Variants in DCDC2 observed in about 807,000 individuals in gnomAD.
The protein encoded by DCDC2 is doublecortin domain-containing protein 2.
DCDC2 carries 40 observed loss-of-function variants against 50.2 expected under a neutral mutation model. The observed-to-expected ratio is 0.80, with a 90% CI of 0.62 to 1.04. DCDC2 has a LOEUF of 1.04. DCDC2 is among the 50% of genes least tolerant of loss of function. The pLI is 0.00. For missense variants in DCDC2, 570 were observed against 581.9 expected (o/e 0.98, Z 0.21); for synonymous variants, 234 against 210.6 (o/e 1.11, Z -0.96).
intron 7 of DCDC2, among the ~76,000 whole-genome samples, chr6:24,219,112 TTTG>T (rs1421189610): frequency 4.6e-5 from 7 of 152,190 alleles, no homozygotes; most frequent in Non-Finnish European, 8.8e-5. Context: ...TAACTTTTAT[TTTG>T]TTGTTATATT....
At chr6:24,361,232 C>A (rs999019530), upstream of DCDC2, among the ~76,000 whole-genome samples, 1 of 152,018 alleles carries the variant, frequency 6.6e-6, no homozygotes, top group Non-Finnish European at 1.5e-5. Context: ...GGAGAACTCA[C>A]GGACACAAAG....
At chr6:24,194,829 T>C (rs1761396371) in intron 8 of DCDC2, among the ~76,000 whole-genome samples, 1 of 152,146 alleles carries the variant, frequency 6.6e-6, no homozygotes, top group Non-Finnish European at 1.5e-5. Context: ...ATCTTAGGCT[T>C]ATTAGACCTA....
the DCDC2 span, among the ~76,000 whole-genome samples, chr6:24,379,343 G>A: frequency 6.7e-6 from 1 of 148,202 alleles, no homozygotes; most frequent in Non-Finnish European, 1.5e-5. Flanking sequence ...AAATTTACAA[G>A]AAAAAAAACA....
intron 6 of DCDC2, among the ~76,000 whole-genome samples, chr6:24,280,047 T>A (rs553394039): frequency 6.6e-6 from 1 of 152,218 alleles, no homozygotes; most frequent in Non-Finnish European, 1.5e-5. Context: ...TGAAAGTAAA[T>A]GTAGTAATAT....
chr6:24,279,293 C>T (rs1424051212), intron 6 of DCDC2, among the ~76,000 whole-genome samples: 1 of 152,050 alleles, frequency 6.6e-6, no homozygotes, highest in East Asian at 1.9e-4. Flanking sequence ...CATTTGAGGT[C>T]AGGAGTTTGA....
At chr6:24,310,993 G>A (rs1384342796) in intron 2 of DCDC2, among the ~76,000 whole-genome samples, 3 of 152,110 alleles carry the variant, frequency 2.0e-5, no homozygotes, top group Non-Finnish European at 2.9e-5. Context: ...GTCTAACCAG[G>A]ATTCCTGCCT....
chr6:24,361,932 T>G (rs182301665), upstream of DCDC2, among the ~76,000 whole-genome samples: 1 of 152,232 alleles, frequency 6.6e-6, no homozygotes, highest in Admixed American at 6.5e-5. Flanking sequence ...ACTGCTGGCT[T>G]TTAGGAGGGA....
At chr6:24,200,758 CAT>C (rs1375373702) in intron 8 of DCDC2, among the ~76,000 whole-genome samples, 2 of 151,404 alleles carry the variant, frequency 1.3e-5, no homozygotes, top group Non-Finnish European at 2.9e-5. Flanking sequence ...AGACTCATCT[CAT>C]GTGCAAAGAC....
At chr6:24,219,942 A>G (rs944574005) in intron 7 of DCDC2, among the ~76,000 whole-genome samples, 11 of 152,358 alleles carry the variant, frequency 7.2e-5, no homozygotes, top group Admixed American at 7.2e-4. Flanking sequence ...CGAGGAGGAA[A>G]GGAGACAATG....
chr6:24,232,183 T>A (rs1238083759), intron 7 of DCDC2, among the ~76,000 whole-genome samples: 2 of 152,182 alleles, frequency 1.3e-5, no homozygotes, highest in Non-Finnish European at 2.9e-5. Flanking sequence ...TCAAGCAATG[T>A]TTTTAAAGAT....
chr6:24,296,697 C>T (rs578109609), intron 4 of DCDC2, among the ~76,000 whole-genome samples: 12 of 152,218 alleles, frequency 7.9e-5, no homozygotes, highest in African/African-American at 2.9e-4. Context: ...TTGCAGCCAA[C>T]AAGCATATGA....
chr6:24,359,155 A>T (rs1760582495), upstream of DCDC2, among the ~76,000 whole-genome samples: 1 of 75,500 alleles, frequency 1.3e-5, no homozygotes, highest in African/African-American at 5.6e-5. Context: ...TATATTTTAT[A>T]TATTTTATAT....
chr6:24,223,138 G>A (rs1169352861), intron 7 of DCDC2, among the ~76,000 whole-genome samples: 1 of 152,192 alleles, frequency 6.6e-6, no homozygotes, highest in East Asian at 1.9e-4. Flanking sequence ...CTATTAAGAT[G>A]AAGCTCATAA....
intron 6 of DCDC2, among the ~76,000 whole-genome samples, chr6:24,286,787 T>A (rs1763621001): frequency 6.6e-6 from 1 of 152,124 alleles, no homozygotes; most frequent in Non-Finnish European, 1.5e-5. Context: ...AGAACTACCA[T>A]TTTCTCAAAT....
intron 1 of DCDC2, chr6:24,357,169 G>T: frequency 3.4e-6 from 1 of 295,672 alleles, no homozygotes; most frequent in Non-Finnish European, 6.2e-6. Flanking sequence ...GTATCAGTTT[G>T]GTCACTAACC....
chr6:24,185,992 A>T (rs1761194819), intron 8 of DCDC2, among the ~76,000 whole-genome samples: 1 of 152,216 alleles, frequency 6.6e-6, no homozygotes, highest in Non-Finnish European at 1.5e-5. Flanking sequence ...GGTCTGATTC[A>T]TATGGACTAA....
the DCDC2 span, among the ~76,000 whole-genome samples, chr6:24,381,901 G>A: frequency 7.0e-6 from 1 of 142,106 alleles, no homozygotes; most frequent in South Asian, 2.3e-4. Flanking sequence ...AAGAAAGAAA[G>A]AAGGAGAAAG....
intron 5 of DCDC2, 29 bp from the exon 6 acceptor site, chr6:24,288,935 C>G: frequency 6.5e-7 from 1 of 1,539,294 alleles, no homozygotes; most frequent in Non-Finnish European, 8.9e-7. Context: ...ATTTAGAAAT[C>G]TGAATGTTGT....
rs755600441 is a variant in DCDC2 at position 24,336,291 on chromosome 6, C to A, written c.348+17278G>T. 4.1e-4 allele frequency among the ~76,000 whole-genome samples: 63 copies of A among 152,140 alleles called. 1 individual carries two copies. Among genetic ancestry groups the A allele is most frequent in the Non-Finnish European group, 5.6e-4 (38 of 68,012 alleles). The stretch of plus-strand genomic sequence containing the variant: ...GATATTTAACATATTTTCAAAAATT[C>A]TTTTTCTGCTAAAATGAAGCAGAGA... On this transcript the variant is annotated intron_variant, in intron 2 of 9. Coordinates refer to ENST00000378454, the MANE Select transcript of DCDC2 (RefSeq NM_016356.5).
Sources: gnomAD v4.1 joint callset for allele counts (sites outside exome capture counted in the v4.1 genomes callset) on GRCh38, gnomAD v4.1.1 for gene constraint, MANE v1.5 for transcripts, NCBI Gene and HGNC (gene_info 2026-07-23, HGNC 2026-07-21) for gene names.